ARMC7: variants seen among roughly 807,000 people sequenced by gnomAD.
ARMC7 encodes the protein armadillo repeat-containing protein 7.
ARMC7 carries 9 observed loss-of-function variants against 14.8 expected under a neutral mutation model. The observed-to-expected ratio is 0.61, with a 90% CI of 0.37 to 1.06. The LOEUF (loss-of-function observed/expected upper bound fraction) is 1.06, where lower values mean the gene tolerates loss of function less well. Among genes scored for constraint, ARMC7 ranks in the 50% least tolerant of loss-of-function variants. ARMC7 has a pLI of 0.01. For missense variants in ARMC7, 262 were observed against 267.1 expected (o/e 0.98, Z 0.13); for synonymous variants, 125 against 123.4 (o/e 1.01, Z -0.09).
chr17:75,115,735 C>T (rs555607247), intron 2 of ARMC7, among the ~76,000 whole-genome samples: 2 of 152,228 alleles, frequency 1.3e-5, no homozygotes, highest in African/African-American at 2.4e-5. Flanking sequence ...TGGCAGGCAG[C>T]ACAGTGAGTT....
intron 2 of ARMC7, among the ~76,000 whole-genome samples, chr17:75,128,051 T>A (rs1000249494): frequency 6.6e-6 from 1 of 152,130 alleles, no homozygotes; most frequent in Non-Finnish European, 1.5e-5. Context: ...AAGGTGATGA[T>A]ACATTACAGG....
chr17:75,124,781 GTC>G (rs2074039379), intron 2 of ARMC7, among the ~76,000 whole-genome samples: 1 of 151,784 alleles, frequency 6.6e-6, no homozygotes, highest in Non-Finnish European at 1.5e-5. Context: ...AGCTCACTCA[GTC>G]TCTCATAGCC....
chr17:75,119,171 GTACAC>G (rs1598167661), intron 2 of ARMC7, among the ~76,000 whole-genome samples: 2 of 142,020 alleles, frequency 1.4e-5, no homozygotes, highest in East Asian at 4.6e-4. Flanking sequence ...CACTGGACTG[GTACAC>G]TGGACTATTC....
At chr17:75,114,091 A>T in intron 2 of ARMC7, 1 of 401,104 alleles carries the variant, frequency 2.5e-6, no homozygotes, top group Non-Finnish European at 4.4e-6. Context: ...GAAGATTATT[A>T]TGCCAAACAA....
chr17:75,114,368 C>T (rs913727840), intron 2 of ARMC7: 6 of 397,920 alleles, frequency 1.5e-5, no homozygotes, highest in Non-Finnish European at 2.7e-5. Context: ...AAGCAACTTT[C>T]CCAGGACAGG....
chr17:75,128,155 A>G lies in ARMC7; in HGVS notation c.236-522A>G, dbSNP rs1337453893. On this transcript the variant is annotated intron_variant, in intron 2 of 2. Transcript: ENST00000245543. Reference sequence around the variant, plus strand: ...AGTGATGCAATCTCGGCTCACTGCAACCTCCGAGTCCCAGGTTCAAGCAAT... The same window carrying G: ...AGTGATGCAATCTCGGCTCACTGCAGCCTCCGAGTCCCAGGTTCAAGCAAT... Among the ~76,000 whole-genome samples the G allele has an allele frequency of 2.6e-5, 4 of 152,014 alleles. No homozygotes were observed. In the Middle Eastern group the frequency reaches 0.01, roughly 388 times the overall value.
At chr17:75,115,398 G>A (rs1053849739) in intron 2 of ARMC7, among the ~76,000 whole-genome samples, 12 of 152,118 alleles carry the variant, frequency 7.9e-5, no homozygotes, top group Non-Finnish European at 1.8e-4. Flanking sequence ...AAATTAGTTG[G>A]GTGTGGTGGC....
At chr17:75,127,815 G>A (rs1022578902) in intron 2 of ARMC7, among the ~76,000 whole-genome samples, 1 of 152,116 alleles carries the variant, frequency 6.6e-6, no homozygotes, top group Non-Finnish European at 1.5e-5. Flanking sequence ...GGCTGGTCTC[G>A]AATTCCTGGG....
chr17:75,123,565 G>A (rs191800350), intron 2 of ARMC7, among the ~76,000 whole-genome samples: 20 of 152,062 alleles, frequency 1.3e-4, no homozygotes, highest in African/African-American at 4.6e-4. Flanking sequence ...GTGTTAGCCA[G>A]GACGGTCTTG....
At chr17:75,114,198 C>A in intron 2 of ARMC7, 3 of 401,154 alleles carry the variant, frequency 7.5e-6, no homozygotes, top group Non-Finnish European at 1.3e-5. Context: ...GACGGTGGCC[C>A]CTGCAGAAGC....
intron 2 of ARMC7, 42 bp from the exon 3 acceptor site, chr17:75,128,635 C>T (rs2074071535): frequency 1.3e-6 from 2 of 1,571,070 alleles, no homozygotes; most frequent in Non-Finnish European, 8.7e-7. Flanking sequence ...TGGGAGGAGG[C>T]CCGGGGCTAC....
Position 75,115,368 on chromosome 17 carries a change from C to T in ARMC7, c.235+4762C>T, listed in dbSNP as rs571946612. ...CAGCCTGGCCAACATGGCAAAACCC[C>T]GTCTCTACTAAAAATACAAAAATTA... On this transcript the variant is annotated intron_variant, in intron 2 of 2. Coordinates refer to ENST00000245543, the MANE Select transcript of ARMC7 (RefSeq NM_024585.4). Among the ~76,000 whole-genome samples, 7 of 152,206 alleles carry T rather than the reference C, an allele frequency of 4.6e-5. No homozygotes were observed. The South Asian group carries it at 8.3e-4, about 18-fold the overall frequency.
intron 2 of ARMC7, among the ~76,000 whole-genome samples, chr17:75,127,210 C>G (rs568104233): frequency 2.6e-5 from 4 of 152,186 alleles, no homozygotes; most frequent in Non-Finnish European, 5.9e-5. Flanking sequence ...CCCACCCCAT[C>G]TCAGAAAACT....
At chr17:75,116,557 G>A (rs1312784639) in intron 2 of ARMC7, among the ~76,000 whole-genome samples, 1 of 152,184 alleles carries the variant, frequency 6.6e-6, no homozygotes, top group South Asian at 2.1e-4. Flanking sequence ...CCGAGGAGGT[G>A]GAGGTTGAGG....
chr17:75,120,737 C>T (rs891130000), intron 2 of ARMC7, among the ~76,000 whole-genome samples: 1 of 150,456 alleles, frequency 6.6e-6, no homozygotes, highest in Non-Finnish European at 1.5e-5. Context: ...TCACTTGAAC[C>T]TGGGAGGCGG....
At chr17:75,122,418 G>A (rs1013037043) in intron 2 of ARMC7, among the ~76,000 whole-genome samples, 2 of 151,978 alleles carry the variant, frequency 1.3e-5, no homozygotes, top group African/African-American at 4.8e-5. Flanking sequence ...CTGGAGTGCA[G>A]TGGAGTGATC....
chr17:75,119,098 C>T (rs1422857769), intron 2 of ARMC7, among the ~76,000 whole-genome samples: 1 of 152,134 alleles, frequency 6.6e-6, no homozygotes, highest in Non-Finnish European at 1.5e-5. Context: ...GCCACTGCAC[C>T]CAGCCCCAGT....
intron 2 of ARMC7, among the ~76,000 whole-genome samples, chr17:75,126,552 GA>G (rs1488711804): frequency 6.6e-6 from 1 of 151,964 alleles, no homozygotes; most frequent in Admixed American, 6.6e-5. Flanking sequence ...TATTGGCATG[GA>G]AAGATGTTCA....
intron 2 of ARMC7, among the ~76,000 whole-genome samples, chr17:75,112,586 T>C (rs1008373094): frequency 1.4e-5 from 2 of 147,482 alleles, no homozygotes; most frequent in Admixed American, 6.7e-5. Context: ...TTTTTTTTTT[T>C]TTTTTTTGAG....
Sources: gnomAD v4.1 joint callset for allele counts (sites outside exome capture counted in the v4.1 genomes callset) on GRCh38, gnomAD v4.1.1 for gene constraint, MANE v1.5 for transcripts, NCBI Gene and HGNC (gene_info 2026-07-23, HGNC 2026-07-21) for gene names.